The following SSC5D variants were observed in gnomAD, a reference collection of about 807,000 sequenced individuals.
SSC5D encodes the protein scavenger receptor cysteine rich family member with 5 domains.
In SSC5D, 106 loss-of-function variants were observed where a neutral mutation model predicts 104.6. That is an observed-to-expected ratio of 1.01 (90% confidence interval 0.87 to 1.19). The LOEUF (loss-of-function observed/expected upper bound fraction) is 1.19, where lower values mean the gene tolerates loss of function less well. SSC5D is among the 50% of genes most tolerant of loss of function. The pLI is 0.00. For missense variants in SSC5D, 1,993 were observed against 2,153.8 expected, an observed-to-expected ratio of 0.93 and a Z score of 1.48; for synonymous variants, 860 against 883.5, an observed-to-expected ratio of 0.97 and a Z score of 0.47.
rs1250937223 is a variant in SSC5D at position 55,509,850 on chromosome 19, C to CAA, written c.2786-3140_2786-3139dup. ...CTGCAACAAGAGCGAAACTCTGTCT[C>CAA]AAAAAAAAAAAAAAAAAAAAAAGAG... is the stretch of plus-strand genomic sequence containing the variant. On this transcript the variant is annotated intron_variant, in intron 12 of 13. Transcript: ENST00000389623. Among the ~76,000 whole-genome samples the CAA allele has an allele frequency of 3.3e-3, 241 of 73,486 alleles. 1 individual carries two copies. Among genetic ancestry groups the CAA allele is most frequent in the South Asian group, 4.9e-3 (8 of 1,632 alleles). 48.2% of individuals were successfully genotyped at this position (73,486 alleles called of 152,430 possible). A position where few individuals can be genotyped will look rare whatever the true frequency, so the allele number is the denominator to read the frequency against.
In SSC5D at chr19:55,493,657, T is replaced by C; in HGVS notation, c.958T>C (p.Trp320Arg). 2 of 1,505,090 alleles carry C rather than the reference T, an allele frequency of 1.3e-6. No individual in the cohort carries two copies. The highest frequency in any genetic ancestry group is 1.8e-6 in the Non-Finnish European group (2 of 1,134,442). The allele number at this position is 1,505,090 out of a possible 1,614,324, so 93.2% of individuals were successfully genotyped here. ...CGGGTGCGCCGGCCGCCTGGAGGTCTGGCACGGGGGTCGCTGGGGGTCGGT... is the reference window on the plus strand; with the variant it reads ...CGGGTGCGCCGGCCGCCTGGAGGTCCGGCACGGGGGTCGCTGGGGGTCGGT... ...PHGCAGRLEV[W>R]HGGRWGSVCD... Residue 320 changes from tryptophan (W) to arginine (R), a missense_variant, in exon 7 of 14, where the codon TGG (tryptophan) becomes CGG (arginine). By Grantham distance (101) the Trp-to-Arg change is moderately radical (BLOSUM62 -3). Around this residue, in one of 6 missense-constraint regions of SSC5D, gnomAD observed 1,101 missense variants for 1,085.0 expected, o/e 1.01. Coordinates refer to ENST00000389623, the MANE Select transcript of SSC5D (RefSeq NM_001144950.2).
rs965641238 is a variant in SSC5D at position 55,489,931 on chromosome 19, G to T, written c.411G>T (p.Gly137=). Residue 137 remains glycine (G), a synonymous_variant, in exon 4 of 14, where the codon GGG becomes GGT. Coordinates refer to ENST00000389623, the MANE Select transcript of SSC5D (RefSeq NM_001144950.2). ...SRDDSTSPLD[G]APWPGLLLEL... ...ACGACTCAACATCTCCCCTGGATGG[G>T]GCTCCCTGGCCAGGGCTGTTGCTGG... The T allele has an allele frequency of 1.3e-6, 2 of 1,550,068 alleles. No homozygotes were observed. The highest frequency in any genetic ancestry group is 2.7e-5 in the African/African-American group (2 of 72,988).
Position 55,500,082 on chromosome 19 carries a change from C to T in SSC5D, c.1972C>T (p.Pro658Ser), listed in dbSNP as rs1187272556. Residue 658 changes from proline to serine, a missense_variant, in exon 10 of 14, where the codon CCA (proline) becomes TCA (serine). Around this residue, in one of 6 missense-constraint regions of SSC5D, gnomAD observed 1,101 missense variants for 1,085.0 expected, o/e 1.01. Transcript: ENST00000389623. This position sits in a 1 kb window ranked among gnomAD's most constrained non-coding sequence, Gnocchi z 4.6. Reference sequence around the variant, plus strand: ...GAAACACTCCAGGGCCCAAAGCCCCCCAGACCTAACCTCACAGACCACTGC... The same window carrying T: ...GAAACACTCCAGGGCCCAAAGCCCCTCAGACCTAACCTCACAGACCACTGC... ...TTKHSRAQSPPDLTSQTTAAL... is the reference protein window; with the variant it reads ...TTKHSRAQSPSDLTSQTTAAL... 1 of 1,551,550 alleles carries T rather than the reference C, an allele frequency of 6.4e-7. No individual in the cohort carries two copies. Among genetic ancestry groups the T allele is most frequent in the African/African-American group, 1.4e-5 (1 of 72,996 alleles).
rs866912916 is a variant in SSC5D at position 55,490,071 on chromosome 19, C to T, written c.475+76C>T. The T allele has an allele frequency of 3.8e-5, 27 of 716,768 alleles. 1 individual carries two copies. The Middle Eastern group carries it at 1.4e-3, about 38-fold the overall frequency. The allele number at this position is 716,768 out of a possible 1,614,324, so 44.4% of individuals were successfully genotyped here. ...CCCCCCCGAGGGGAGAGGGACTGCC[C>T]TGCCAACCCCCACCCAGCGTGCCCT... On this transcript the variant is annotated intron_variant, in intron 4 of 13. Transcript: ENST00000389623.
At chr19:55,517,201 G>T (rs1313086748) in intron 13 of SSC5D, 23 bp from the exon 14 acceptor site, 38 of 1,527,762 alleles carry the variant, frequency 2.5e-5, no homozygotes, top group Non-Finnish European at 3.1e-5. Context: ...CAGACCGTCC[G>T]TCTGTCTTTC....
chr19:55,511,704 C>T (rs1011037404), intron 12 of SSC5D, among the ~76,000 whole-genome samples: 4 of 152,056 alleles, frequency 2.6e-5, no homozygotes, highest in African/African-American at 7.2e-5. Context: ...AGCAGAGCAT[C>T]GTGTAGGACG....
At chr19:55,507,353 AAAAAAAAAAG>A (rs1987657310) in intron 12 of SSC5D, among the ~76,000 whole-genome samples, 1 of 148,990 alleles carries the variant, frequency 6.7e-6, no homozygotes, top group African/African-American at 2.5e-5. Flanking sequence ...AAAAAAAAAA[AAAAAAAAAAG>A]GATGGTTAAG....
rs546420332 is a variant in SSC5D, at chr19:55,513,085, A to C, written c.2860A>C (p.Thr954Pro). 6.4e-7 allele frequency: 1 copy of C among 1,551,038 alleles called. No individual in the cohort carries two copies. The highest frequency in any genetic ancestry group is 1.2e-5 in the South Asian group (1 of 84,028). ...SGRGLAEGTP[T>P]AGKLGPTLGA... ...AAGGGGCCTGGCTGAGGGGACCCCT[A>C]CCGCAGGCAAACTAGGACCAACTCT... Residue 954 changes from threonine (T) to proline (P), a missense_variant, in exon 13 of 14, where the codon ACC becomes CCC. This residue lies in a region of SSC5D where 423 missense variants were observed against 409.2 expected (regional missense o/e 1.03). Transcript: ENST00000389623.
At position 55,499,999 on chromosome 19, in the gene SSC5D, A is replaced by AG. The variant is rs779628467; in HGVS notation, c.1890dup (p.Trp631ValfsTer41). The AG allele has an allele frequency of 7.7e-6, 12 of 1,551,930 alleles. No individual in the cohort carries two copies. The South Asian group carries it at 1.4e-4, about 18-fold the overall frequency. On this transcript the variant is annotated frameshift_variant, in exon 10 of 14. Coordinates refer to ENST00000389623, the MANE Select transcript of SSC5D (RefSeq NM_001144950.2). LOFTEE classifies it high-confidence loss of function. ...GGGAAAATGCCTAAGAGTACTAAGA[A>AG]GTGGGTGACAAAAAATGCAAAGAGA... is the stretch of plus-strand genomic sequence containing the variant.
chr19:55,510,444 G>A (rs1174941121), intron 12 of SSC5D, among the ~76,000 whole-genome samples: 4 of 152,268 alleles, frequency 2.6e-5, no homozygotes, highest in Admixed American at 2.0e-4. Context: ...CGCCTCCCAG[G>A]TTCAAGTGAT....
At position 55,493,833 on chromosome 19, in the gene SSC5D, G is replaced by A. The variant is rs544669032; in HGVS notation, c.1134G>A (p.Thr378=). The change falls in exon 7 of 14, where the codon ACG becomes ACA. Residue 378 remains threonine (T), a synonymous_variant. Coordinates refer to ENST00000389623, the MANE Select transcript of SSC5D (RefSeq NM_001144950.2). ...LDDLRCRGNE[T]ALRFCPARPW... ...ACCTTCGGTGTCGGGGAAACGAGAC[G>A]GCCTTACGATTCTGCCCAGCTCGGC... 14 of 1,549,522 alleles carry A rather than the reference G, an allele frequency of 9.0e-6. No homozygotes were observed. Among genetic ancestry groups the A allele is most frequent in the East Asian group, 7.3e-5 (3 of 40,866 alleles).
At chr19:55,490,104 C>CA (rs1987093030) in intron 4 of SSC5D, 109 bp downstream of exon 4, 1 of 438,390 alleles carries the variant, frequency 2.3e-6, no homozygotes, top group African/African-American at 2.7e-5. Context: ...CCTCCTGCCC[C>CA]CACCGAGGGG....
In SSC5D at chr19:55,518,496, C is replaced by CTGAGGA; in HGVS notation, c.4221_4226dup (p.Glu1408_Asp1409dup). ...GCCACAAGCATGGACCCACTGTCCA[C>CTGAGGA]TGAGGACTTCAAGCCACCCAGAAGC... is the stretch of plus-strand genomic sequence containing the variant. On this transcript the variant is annotated inframe_insertion, in exon 14 of 14. Transcript: ENST00000389623. The CTGAGGA allele has an allele frequency of 1.9e-6, 3 of 1,551,490 alleles. No individual in the cohort carries two copies. The South Asian group carries it at 3.6e-5, about 18-fold the overall frequency.
chr19:55,497,972 G>A lies in SSC5D; in HGVS notation c.1480G>A (p.Asp494Asn), dbSNP rs770953495. ...HDQRWGTVCD[D>N]SWDMRDSAVV... is the part of the protein sequence containing the mutation. ...CCAGCGCTGGGGGACCGTGTGTGAC[G>A]ATAGCTGGGACATGCGGGATTCAGC... is the stretch of plus-strand genomic sequence containing the variant. The change falls in exon 9 of 14, where the codon GAT (aspartate) becomes AAT (asparagine). Residue 494 changes from aspartate to asparagine, a missense_variant. Physicochemically the swap from Asp to Asn is conservative, Grantham distance 23. Transcript: ENST00000389623. The A allele has an allele frequency of 2.3e-5, 36 of 1,551,718 alleles. No individual in the cohort carries two copies. Among genetic ancestry groups the A allele is most frequent in the Non-Finnish European group, 3.1e-5 (35 of 1,147,030 alleles).
At chr19:55,489,328 G>A (rs1477667700) in intron 2 of SSC5D, 26 bp from the exon 3 acceptor site, 1 of 1,427,930 alleles carries the variant, frequency 7.0e-7, no homozygotes, top group South Asian at 1.5e-5. Flanking sequence ...CCCCTCCCCA[G>A]TCACAGCCAT....
In SSC5D at chr19:55,499,918, A is replaced by T; in HGVS notation, c.1808A>T (p.Lys603Met). The T allele has an allele frequency of 1.3e-6, 2 of 1,551,858 alleles. No individual in the cohort carries two copies. Among genetic ancestry groups the T allele is most frequent in the Non-Finnish European group, 1.7e-6 (2 of 1,147,040 alleles). ...DAWLPGELAT[K>M]PSASVTASVL... Reference sequence around the variant, plus strand: ...TGGCTCCCGGGAGAGCTGGCCACCAAGCCCTCTGCAAGTGTGACTGCCAGT... The same window carrying T: ...TGGCTCCCGGGAGAGCTGGCCACCATGCCCTCTGCAAGTGTGACTGCCAGT... The change falls in exon 10 of 14, where the codon AAG becomes ATG. Residue 603 changes from lysine (K) to methionine (M), a missense_variant. Transcript: ENST00000389623.
intron 8 of SSC5D, among the ~76,000 whole-genome samples, chr19:55,496,836 C>T (rs1031187545): frequency 6.6e-6 from 1 of 151,802 alleles, no homozygotes; most frequent in Non-Finnish European, 1.5e-5. Flanking sequence ...CTGCAACCTC[C>T]GCCTCCCGGT....
At chr19:55,507,665 CAAAAAAAAAA>C (rs61340967) in intron 12 of SSC5D, among the ~76,000 whole-genome samples, 4 of 75,966 alleles carry the variant, frequency 5.3e-5, no homozygotes, top group South Asian at 5.8e-4. Flanking sequence ...GACTCCGTCT[CAAAAAAAAAA>C]AAAAAAAAAA....
In SSC5D at chr19:55,506,129, A is replaced by G. The variant is rs1041371533; in HGVS notation, c.2785+4928A>G. ...GTCTGGACCCTTAATTACATCCACA[A>G]GTCCCCTTTTGCCACGTAAAGTAAC... On this transcript the variant is annotated intron_variant, in intron 12 of 13. Coordinates refer to ENST00000389623, the MANE Select transcript of SSC5D (RefSeq NM_001144950.2). Among the ~76,000 whole-genome samples the G allele has an allele frequency of 4.0e-5, 6 of 151,738 alleles. 1 individual carries two copies. The highest frequency in any genetic ancestry group is 1.5e-4 in the African/African-American group (6 of 41,010).
Sources: allele counts gnomAD v4.1 joint callset (sites outside exome capture counted in the v4.1 genomes callset), GRCh38; gene constraint gnomAD v4.1.1; regional missense constraint gnomAD v4.1.1; non-coding constraint Gnocchi (gnomAD v3.1); transcripts MANE v1.5; gene names NCBI Gene and HGNC (gene_info 2026-07-23, HGNC 2026-07-21).